LRIT1: variants seen among roughly 807,000 people sequenced by gnomAD.
LRIT1 encodes leucine-rich repeat, immunoglobulin-like domain and transmembrane domain-containing protein 1.
In LRIT1, 23 loss-of-function variants were observed where a neutral mutation model predicts 24.0. The observed-to-expected ratio is 0.96, with a 90% confidence interval of 0.69 to 1.36. The LOEUF is 1.36. LRIT1 is among the 40% of genes most tolerant of loss of function. The pLI, the probability that LRIT1 is intolerant of heterozygous loss-of-function variation, is 0.00. For synonymous variants in LRIT1, 361 were observed against 340.5 expected, an observed-to-expected ratio of 1.06 and a Z score of -0.66; for missense variants, 846 against 806.3, an observed-to-expected ratio of 1.05 and a Z score of -0.60.
Position 84,234,334 on chromosome 10 carries a change from G to T in LRIT1, c.634C>A (p.Leu212Met), listed in dbSNP as rs377605399. ...GCCCAGCCATCCAAAAGATGAACCA[G>T]GTCATAGAGTCGGCAGTCACATGCC... ...PWACDCRLYD[L>M]VHLLDGWAPN... Residue 212 changes from leucine to methionine, a missense_variant, in exon 3 of 4, where the codon CTG becomes ATG. Physicochemically the swap from Leu to Met is conservative, Grantham distance 15. Transcript: ENST00000372105. 3 of 1,591,770 alleles carry T rather than the reference G, an allele frequency of 1.9e-6. No individual in the cohort carries two copies. The East Asian group carries it at 6.7e-5, about 36-fold the overall frequency.
rs368239758 is a variant in LRIT1 at position 84,240,802 on chromosome 10, C to A, written c.122+516G>T. ...GCTGAGGCTCCTGGGATCTGGCCAG[C>A]GAAGATGGAGAGGAGGAAGAGAATG... On this transcript the variant is annotated intron_variant, in intron 1 of 3. Transcript: ENST00000372105. 6.5e-4 allele frequency among the ~76,000 whole-genome samples: 99 copies of A among 151,874 alleles called. 4 individuals are homozygous for A. The South Asian group carries it at 0.021, about 32-fold the overall frequency.
rs896776772 is a variant in LRIT1 at position 84,231,616 on chromosome 10, G to T, written c.*311C>A. ...CATCACCAAGATTTTGCTTTCATTT[G>T]TTATACAGCAAAAGCTGACTGATAC... On this transcript the variant is annotated 3_prime_UTR_variant, in exon 4 of 4. Transcript: ENST00000372105. The T allele has an allele frequency of 2.8e-6, 1 of 363,088 alleles. No individual in the cohort carries two copies. Among genetic ancestry groups the T allele is most frequent in the Non-Finnish European group, 5.1e-6 (1 of 195,424 alleles). 22.5% of individuals were successfully genotyped at this position (363,088 alleles called of 1,614,324 possible).
chr10:84,232,975 T>A, intron 3 of LRIT1, 72 bp from the exon 4 acceptor site: 4 of 1,517,174 alleles, frequency 2.6e-6, no homozygotes, highest in Non-Finnish European at 3.5e-6. Flanking sequence ...CAGGGCCAAG[T>A]TCACAGCCCC....
At chr10:84,237,029 C>A (rs185066481) in intron 2 of LRIT1, among the ~76,000 whole-genome samples, 191 bp downstream of exon 2, 2 of 152,140 alleles carry the variant, frequency 1.3e-5, no homozygotes, top group East Asian at 3.9e-4. Context: ...GGAAAGACCT[C>A]TCTTATGACT....
chr10:84,239,523 C>G (rs1391913907), intron 1 of LRIT1, among the ~76,000 whole-genome samples: 5 of 152,164 alleles, frequency 3.3e-5, no homozygotes, highest in Non-Finnish European at 7.3e-5. Context: ...GATTGGAAAA[C>G]TTATCTTGAA....
rs1196669988 is a variant in LRIT1, at chr10:84,231,936, G to T, written c.1863C>A (p.Tyr621Ter). 2 of 1,604,634 alleles carry T rather than the reference G, an allele frequency of 1.2e-6. No individual in the cohort carries two copies. The highest frequency in any genetic ancestry group is 2.2e-5 in the East Asian group (1 of 44,612). The stretch of plus-strand genomic sequence containing the variant: ...TGCGGAGGCATATCCCTCAGCAGAA[G>T]TACTCATTGATTCTCCTGCCCCCTT... ...GVKGGRRINEYFC is the reference protein window; with the variant it reads ...GVKGGRRINE The change falls in exon 4 of 4, where the codon TAC becomes TAA. Residue 621 changes from tyrosine to a stop codon, truncating the protein, a stop_gained. Transcript: ENST00000372105. LOFTEE classifies it high-confidence loss of function.
intron 3 of LRIT1, 94 bp from the exon 4 acceptor site, chr10:84,232,997 A>G (rs1003952197): frequency 1.5e-5 from 21 of 1,359,098 alleles, no homozygotes; most frequent in Non-Finnish European, 2.1e-5. Context: ...GGTGGTACAC[A>G]CTCAGGTGTC....
intron 3 of LRIT1, among the ~76,000 whole-genome samples, chr10:84,233,308 A>G (rs1038662976): frequency 8.6e-5 from 13 of 152,044 alleles, no homozygotes; most frequent in Admixed American, 2.0e-4. Flanking sequence ...AGCTGGGACC[A>G]CAGGCACATG....
At position 84,237,476 on chromosome 10, in the gene LRIT1, C is replaced by T. The variant is rs1205471571; in HGVS notation, c.333G>A (p.Glu111=). The part of the protein sequence containing the change: ...LMLRGLRRLR[E]LRLPGNRLAA... ...CCAGGCGGTTCCCGGGCAGCCGCAG[C>T]TCCCGCAGGCGTCGCAGGCCCCGCA... The change falls in exon 2 of 4, where the codon GAG becomes GAA. Residue 111 remains glutamate (E), a synonymous_variant. Coordinates refer to ENST00000372105, the MANE Select transcript of LRIT1 (RefSeq NM_015613.3). 6 of 1,582,440 alleles carry T rather than the reference C, an allele frequency of 3.8e-6. No homozygotes were observed. Among genetic ancestry groups the T allele is most frequent in the Non-Finnish European group, 5.1e-6 (6 of 1,168,408 alleles).
chr10:84,240,997 G>A (rs944096506), intron 1 of LRIT1, among the ~76,000 whole-genome samples: 2 of 152,184 alleles, frequency 1.3e-5, no homozygotes, highest in African/African-American at 4.8e-5. Context: ...AAAGCAGTAA[G>A]GGAGGAGATT....
intron 2 of LRIT1, among the ~76,000 whole-genome samples, chr10:84,234,739 C>T (rs1181152242): frequency 1.3e-5 from 2 of 152,120 alleles, no homozygotes; most frequent in Admixed American, 1.3e-4. Context: ...TGACAAAATC[C>T]ATTTCCAGAA....
At chr10:84,238,094 C>T (rs1842667280) in intron 1 of LRIT1, among the ~76,000 whole-genome samples, 1 of 152,216 alleles carries the variant, frequency 6.6e-6, no homozygotes, top group South Asian at 2.1e-4. Flanking sequence ...TGGCTCACGC[C>T]TGTAATCCCA....
intron 2 of LRIT1, 90 bp from the exon 3 acceptor site, chr10:84,234,468 G>A: frequency 1.9e-6 from 2 of 1,075,476 alleles, no homozygotes; most frequent in Non-Finnish European, 2.6e-6. Flanking sequence ...GGACAGGCAG[G>A]TCCTCATTCA....
chr10:84,237,440 G>C lies in LRIT1; in HGVS notation c.369C>G (p.Pro123=), dbSNP rs184492479. Residue 123 remains proline (P), a synonymous_variant, in exon 2 of 4, where the codon CCC becomes CCG. Transcript: ENST00000372105. ...TGGGGGCGTCCCTGAGCGCCGCCCAGGGGAAGGCGGCCAGGCGGTTCCCGG... is the reference window on the plus strand; with the variant it reads ...TGGGGGCGTCCCTGAGCGCCGCCCACGGGAAGGCGGCCAGGCGGTTCCCGG... ...RLPGNRLAAF[P]WAALRDAPKL... The C allele has an allele frequency of 7.1e-4, 1,098 of 1,552,162 alleles. 8 individuals are homozygous for C. The African/African-American group carries it at 0.013, about 19-fold the overall frequency.
rs1444968901 is a variant in LRIT1 at position 84,232,451 on chromosome 10, C to T, written c.1348G>A (p.Ala450Thr). Residue 450 changes from alanine to threonine, a missense_variant, in exon 4 of 4, where the codon GCA (alanine) becomes ACA (threonine). Transcript: ENST00000372105. ...TYHSVSLVWK[A>T]PQAKNTTAFS... is the part of the protein sequence containing the mutation. ...GCAGTTGTGTTCTTAGCCTGGGGTGCCTTCCACACCAAGGACACGCTGTGG... is the reference window on the plus strand; with the variant it reads ...GCAGTTGTGTTCTTAGCCTGGGGTGTCTTCCACACCAAGGACACGCTGTGG... The T allele has an allele frequency of 1.2e-6, 2 of 1,614,142 alleles. No homozygotes were observed. Among genetic ancestry groups the T allele is most frequent in the South Asian group, 2.2e-5 (2 of 91,086 alleles).
chr10:84,241,378 C>A lies in LRIT1; in HGVS notation c.62G>T (p.Gly21Val). The A allele has an allele frequency of 6.2e-7, 1 of 1,612,590 alleles. No individual in the cohort carries two copies. Among genetic ancestry groups the A allele is most frequent in the Non-Finnish European group, 8.5e-7 (1 of 1,179,368 alleles). ...LALAWPPQAR[G>V]FCPSQCSCSL... ...GCAGCTGCATTGAGAGGGGCAGAAG[C>A]CCCGGGCCTGGGGGGGCCACGCAAG... The change falls in exon 1 of 4, where the codon GGC (glycine) becomes GTC (valine). Residue 21 changes from glycine (G) to valine (V), a missense_variant. Transcript: ENST00000372105.
rs2132859939 is a variant in LRIT1, at chr10:84,231,905, G to A, written c.*22C>T. On this transcript the variant is annotated 3_prime_UTR_variant, in exon 4 of 4. Transcript: ENST00000372105. ...AGAAGGAGCGTGGGCAGGCAGGTGT[G>A]TGAGTTGCGGAGGCATATCCCTCAG... The A allele has an allele frequency of 1.3e-6, 2 of 1,581,860 alleles. No individual in the cohort carries two copies. Among genetic ancestry groups the A allele is most frequent in the East Asian group, 4.5e-5 (2 of 44,374 alleles).
chr10:84,241,201 A>G, intron 1 of LRIT1, 117 bp downstream of exon 1: 1 of 1,464,196 alleles, frequency 6.8e-7, no homozygotes, highest in Non-Finnish European at 9.3e-7. Context: ...CCTGGTCCTC[A>G]AGGGCCAAGG....
At position 84,236,220 on chromosome 10, in the gene LRIT1, C is replaced by T. The variant is rs375497579; in HGVS notation, c.589+1000G>A. Among the ~76,000 whole-genome samples the T allele has an allele frequency of 1.3e-4, 20 of 151,410 alleles. 1 individual carries two copies. In the South Asian group the frequency reaches 1.7e-3, roughly 13 times the overall value. On this transcript the variant is annotated intron_variant, in intron 2 of 3. Coordinates refer to ENST00000372105, the MANE Select transcript of LRIT1 (RefSeq NM_015613.3). ...CTGAGGCAGGAGAATGGTGTGAACC[C>T]GGGAGGCAGAGCTTGCAGTGAGCCG...
Sources: gnomAD v4.1 joint callset for allele counts (sites outside exome capture counted in the v4.1 genomes callset) on GRCh38, gnomAD v4.1.1 for gene constraint, MANE v1.5 for transcripts, NCBI Gene and HGNC (gene_info 2026-07-23, HGNC 2026-07-21) for gene names.